Variants in DPP6 observed in about 807,000 individuals in gnomAD.
The protein encoded by DPP6 is dipeptidyl peptidase like 6.
A neutral mutation model predicts 122.6 loss-of-function variants in DPP6; 69 were observed. The observed-to-expected ratio is 0.56, with a 90% CI of 0.46 to 0.69. DPP6 has a LOEUF of 0.69. Ranked by LOEUF, DPP6 falls within the 30% of genes least tolerant of loss-of-function variation. The pLI is 0.00. For missense variants in DPP6, 928 were observed against 1,116.9 expected (o/e 0.83, Z 2.41); for synonymous variants, 418 against 433.1 (o/e 0.97, Z 0.43).
chr7:153,846,216 A>G, the DPP6 span, among the ~76,000 whole-genome samples: 1 of 152,204 alleles, frequency 6.6e-6, no homozygotes, highest in East Asian at 1.9e-4. Context: ...ATAACTTATA[A>G]TGTCAAGCAG....
the DPP6 span, among the ~76,000 whole-genome samples, chr7:153,877,377 C>G: frequency 6.6e-6 from 1 of 152,054 alleles, no homozygotes; most frequent in Non-Finnish European, 1.5e-5. Context: ...GACACACACA[C>G]AATTTTGTGT....
At chr7:154,588,096 T>A (rs1832587815) in intron 5 of DPP6, 18 of 1,594,952 alleles carry the variant, frequency 1.1e-5, no homozygotes, top group East Asian at 4.5e-5. Flanking sequence ...CCTTGCAGCC[T>A]CTGCTGCCAG....
intron 1 of DPP6, among the ~76,000 whole-genome samples, chr7:154,424,155 C>T (rs1032932056): frequency 2.0e-5 from 3 of 152,298 alleles, no homozygotes; most frequent in East Asian, 1.9e-4. Flanking sequence ...ATGTCAGCTA[C>T]GCACTGTTTA....
the DPP6 span, among the ~76,000 whole-genome samples, chr7:153,810,682 CTCTCTCTCTCTCTCTCTCT>C: frequency 7.0e-6 from 1 of 141,880 alleles, no homozygotes; most frequent in Non-Finnish European, 1.5e-5. Flanking sequence ...CTCTCTCTCT[CTCTCTCTCTCTCTCTCTCT>C]CTCTCTCTCT....
chr7:154,599,339 C>A lies in DPP6; in HGVS notation c.627+32423C>A, dbSNP rs116705899. 5.7e-3 allele frequency among the ~76,000 whole-genome samples: 864 copies of A among 152,220 alleles called. 6 individuals carry two copies. The highest frequency in any genetic ancestry group is 0.019 in the African/African-American group (797 of 41,540). ...CTCACACTGTTTACCTCTTTTATTT[C>A]ACAAAACCACCGCATTAAGTGGACA... On this transcript the variant is annotated intron_variant, in intron 5 of 25. Transcript: ENST00000377770.
intron 5 of DPP6, among the ~76,000 whole-genome samples, chr7:154,613,872 C>T (rs1834064966): frequency 6.6e-6 from 1 of 152,190 alleles, no homozygotes; most frequent in Non-Finnish European, 1.5e-5. Context: ...CAAGCCACAG[C>T]TGAGCAGCAG....
At chr7:153,773,283 G>GTGTGTGTGTC in the DPP6 span, among the ~76,000 whole-genome samples, 1 of 144,570 alleles carries the variant, frequency 6.9e-6, no homozygotes, top group African/African-American at 2.5e-5. Context: ...GTGTGTGTGT[G>GTGTGTGTGTC]TGTGTGTGTC....
chr7:154,355,736 C>T (rs1811222956), intron 1 of DPP6, among the ~76,000 whole-genome samples: 1 of 152,146 alleles, frequency 6.6e-6, no homozygotes, highest in Non-Finnish European at 1.5e-5. Context: ...AGAGAAATCA[C>T]AATATGTAAG....
At chr7:154,434,685 C>G (rs1047866594) in intron 1 of DPP6, among the ~76,000 whole-genome samples, 1 of 152,144 alleles carries the variant, frequency 6.6e-6, no homozygotes, top group East Asian at 1.9e-4. Context: ...TAACCCATCA[C>G]AGAAATGACT....
chr7:154,885,516 TA>T, intron 21 of DPP6, 116 bp from the exon 22 acceptor site: 1 of 1,378,858 alleles, frequency 7.3e-7, no homozygotes, highest in Non-Finnish European at 9.6e-7. Context: ...ACACATTTTG[TA>T]AAAGGAGAGA....
At chr7:154,360,170 T>C (rs924101421) in intron 1 of DPP6, among the ~76,000 whole-genome samples, 5 of 152,208 alleles carry the variant, frequency 3.3e-5, no homozygotes, top group African/African-American at 1.2e-4. Context: ...TGGAATAGTG[T>C]GTTATATTAA....
intron 5 of DPP6, among the ~76,000 whole-genome samples, chr7:154,590,225 G>A (rs1832722677): frequency 6.6e-6 from 1 of 152,136 alleles, no homozygotes. Context: ...AATGGCCCAG[G>A]GGAGCATCTC....
chr7:153,977,715 A>T (rs978812768), intron 1 of DPP6, among the ~76,000 whole-genome samples: 2 of 144,898 alleles, frequency 1.4e-5, no homozygotes, highest in Non-Finnish European at 3.0e-5. Flanking sequence ...CTTGTCCCCC[A>T]CCCCCGACAG....
intron 1 of DPP6, among the ~76,000 whole-genome samples, chr7:154,063,012 T>A (rs558092324): frequency 7.7e-6 from 1 of 129,442 alleles, no homozygotes; most frequent in Non-Finnish European, 1.7e-5. Flanking sequence ...CTTCCCCCCC[T>A]GGCTCTGAGG....
At chr7:153,961,228 C>T (rs947026231) in intron 1 of DPP6, among the ~76,000 whole-genome samples, 1 of 150,136 alleles carries the variant, frequency 6.7e-6, no homozygotes, top group Non-Finnish European at 1.5e-5. Flanking sequence ...CAGGAACTCC[C>T]TAGCCAGGTG....
the DPP6 span, among the ~76,000 whole-genome samples, chr7:153,798,798 G>C: frequency 6.6e-6 from 1 of 152,192 alleles, no homozygotes; most frequent in Non-Finnish European, 1.5e-5. Context: ...CCTGCAATTA[G>C]ACAGTCCCAC....
At chr7:154,770,912 G>GCTGGCTT in intron 9 of DPP6, among the ~76,000 whole-genome samples, 1 of 152,360 alleles carries the variant, frequency 6.6e-6, no homozygotes, top group East Asian at 1.9e-4. Context: ...AGTCTGCCAT[G>GCTGGCTT]CTGGCTTCTG....
At chr7:154,855,364 C>T (rs1584903500) in intron 17 of DPP6, among the ~76,000 whole-genome samples, 1 of 152,168 alleles carries the variant, frequency 6.6e-6, no homozygotes, top group East Asian at 1.9e-4. Flanking sequence ...AATGGATATA[C>T]AAAAACACTC....
chr7:154,278,678 T>A (rs1433481558), intron 1 of DPP6, among the ~76,000 whole-genome samples: 1 of 152,228 alleles, frequency 6.6e-6, no homozygotes, highest in East Asian at 1.9e-4. Flanking sequence ...GCTCTAGTAA[T>A]GTTGTAGTGG....
Sources: gnomAD v4.1 joint callset for allele counts (sites outside exome capture counted in the v4.1 genomes callset) on GRCh38, gnomAD v4.1.1 for gene constraint, MANE v1.5 for transcripts, NCBI Gene and HGNC (gene_info 2026-07-23, HGNC 2026-07-21) for gene names.